MREG: variants seen among roughly 807,000 people sequenced by gnomAD.
The protein encoded by MREG is dilute suppressor protein homolog.
In MREG, 31 loss-of-function variants were observed where a neutral mutation model predicts 28.5. That is an observed-to-expected ratio of 1.09 (90% CI 0.82 to 1.47). MREG has a LOEUF of 1.47. MREG is among the 40% of genes most tolerant of loss of function. The probability of loss-of-function intolerance (pLI) is 0.00; values close to 1 mark genes in which losing one functional copy is unlikely to be tolerated. For synonymous variants in MREG, 106 were observed against 95.2 expected (o/e 1.11, Z -0.66); for missense variants, 256 against 257.4 (o/e 0.99, Z 0.04).
intron 1 of MREG, among the ~76,000 whole-genome samples, chr2:216,029,555 C>A (rs2105933717): frequency 6.6e-6 from 1 of 152,342 alleles, no homozygotes; most frequent in East Asian, 1.9e-4. Flanking sequence ...TATGCACCTC[C>A]CCCTGCCTCC....
At chr2:215,974,188 C>T (rs980088657) in intron 2 of MREG, among the ~76,000 whole-genome samples, 1 of 152,148 alleles carries the variant, frequency 6.6e-6, no homozygotes, top group Non-Finnish European at 1.5e-5. Context: ...ACACATCTCA[C>T]TCCTGGGCTG....
chr2:216,028,083 T>C (rs1694622679), intron 1 of MREG, among the ~76,000 whole-genome samples: 1 of 152,166 alleles, frequency 6.6e-6, no homozygotes, highest in Non-Finnish European at 1.5e-5. Context: ...ATACAAGAGT[T>C]TGGACTTCTA....
At chr2:215,956,207 G>T (rs1376126962) in intron 2 of MREG, among the ~76,000 whole-genome samples, 1 of 152,290 alleles carries the variant, frequency 6.6e-6, no homozygotes, top group South Asian at 2.1e-4. Context: ...TGAAAGAAAG[G>T]CTGAGGCCTT....
chr2:215,983,241 G>T (rs1165447900), intron 2 of MREG, among the ~76,000 whole-genome samples: 2 of 152,166 alleles, frequency 1.3e-5, no homozygotes, highest in African/African-American at 4.8e-5. Context: ...AAAATCAGAT[G>T]GCCCCGAAAG....
intron 1 of MREG, among the ~76,000 whole-genome samples, chr2:215,997,183 C>T (rs914393067): frequency 2.6e-5 from 4 of 152,144 alleles, no homozygotes; most frequent in South Asian, 4.1e-4. Flanking sequence ...ACTTGGAGTA[C>T]AATGATATAT....
chr2:215,949,090 A>ACTACTACTAC (rs1559173595), intron 2 of MREG, among the ~76,000 whole-genome samples: 7 of 130,550 alleles, frequency 5.4e-5, no homozygotes, highest in African/African-American at 8.8e-5. Context: ...ACTACTACTA[A>ACTACTACTAC]TAATAATAAT....
At chr2:215,960,724 C>T (rs1692760010) in intron 2 of MREG, among the ~76,000 whole-genome samples, 1 of 151,972 alleles carries the variant, frequency 6.6e-6, no homozygotes, top group African/African-American at 2.4e-5. Flanking sequence ...GTCCCACCTA[C>T]TTGGGAGGCT....
intron 2 of MREG, among the ~76,000 whole-genome samples, chr2:215,975,731 G>A (rs1457261080): frequency 2.6e-5 from 4 of 152,230 alleles, no homozygotes; most frequent in Non-Finnish European, 1.5e-5. Flanking sequence ...CTTCAGTTGG[G>A]AAAGTGTAAC....
intron 1 of MREG, among the ~76,000 whole-genome samples, chr2:216,012,945 C>A (rs1375451896): frequency 6.6e-6 from 1 of 152,208 alleles, no homozygotes; most frequent in Admixed American, 6.5e-5. Flanking sequence ...TGATCAACTT[C>A]TCTCCCTTAC....
At chr2:215,980,922 G>C (rs1231936361) in intron 2 of MREG, among the ~76,000 whole-genome samples, 1 of 151,808 alleles carries the variant, frequency 6.6e-6, no homozygotes, top group Non-Finnish European at 1.5e-5. Flanking sequence ...GGGAAGGGAA[G>C]GGAAGGGAAG....
At chr2:215,939,922 A>G (rs1692177627), downstream of MREG, among the ~76,000 whole-genome samples, 1 of 152,150 alleles carries the variant, frequency 6.6e-6, no homozygotes, top group African/African-American at 2.4e-5. Flanking sequence ...GTTTTTTTAA[A>G]AAGTAATGAT....
chr2:215,969,607 C>T (rs1169551559), intron 2 of MREG, among the ~76,000 whole-genome samples: 2 of 152,178 alleles, frequency 1.3e-5, no homozygotes, highest in African/African-American at 2.4e-5. Flanking sequence ...CTTAGGGAAC[C>T]TGAATCTTTT....
In MREG at chr2:215,943,664, A is replaced by T; in HGVS notation, c.*1199T>A. 2.8e-6 allele frequency: 1 copy of T among 353,420 alleles called. No individual in the cohort carries two copies. The highest frequency in any genetic ancestry group is 2.1e-5 in the South Asian group (1 of 46,616). 21.9% of individuals were successfully genotyped at this position (353,420 alleles called of 1,614,324 possible). On this transcript the variant is annotated 3_prime_UTR_variant, in exon 5 of 5. Coordinates refer to ENST00000263268, the MANE Select transcript of MREG (RefSeq NM_018000.3). ...AGACCATCGTGGCTAACATGGTGAA[A>T]CCCCGTCTCTACTAAAAATACAAAA...
At chr2:216,010,502 C>T (rs987468303) in intron 1 of MREG, among the ~76,000 whole-genome samples, 1 of 151,118 alleles carries the variant, frequency 6.6e-6, no homozygotes, top group Non-Finnish European at 1.5e-5. Context: ...GGACTACAGG[C>T]GCCCGCCACT....
intron 1 of MREG, among the ~76,000 whole-genome samples, chr2:216,007,008 G>A (rs1035944131): frequency 3.3e-5 from 5 of 152,134 alleles, no homozygotes; most frequent in African/African-American, 1.2e-4. Context: ...ATACCTCTCT[G>A]CACACCAGAA....
At chr2:215,977,172 G>A (rs904083081) in intron 2 of MREG, among the ~76,000 whole-genome samples, 1 of 152,178 alleles carries the variant, frequency 6.6e-6, no homozygotes, top group African/African-American at 2.4e-5. Context: ...TCAAAATAAA[G>A]GGATGGAGGA....
At chr2:215,961,761 C>T (rs553600115) in intron 2 of MREG, among the ~76,000 whole-genome samples, 1 of 152,100 alleles carries the variant, frequency 6.6e-6, no homozygotes, top group Non-Finnish European at 1.5e-5. Flanking sequence ...ATCTACTTGC[C>T]CTTTCACTGA....
intron 2 of MREG, among the ~76,000 whole-genome samples, chr2:215,973,101 T>C (rs1693149155): frequency 6.6e-6 from 1 of 152,254 alleles, no homozygotes; most frequent in East Asian, 1.9e-4. Flanking sequence ...GCAAGAACCC[T>C]GGAGGCTGGA....
chr2:216,030,938 TCTCTCTCTCTCTCTCTCTCACACACA>T (rs1401100210), intron 1 of MREG, among the ~76,000 whole-genome samples: 48 of 51,034 alleles, frequency 9.4e-4, no homozygotes, highest in Middle Eastern at 0.02. Context: ...TCTCTCTCTC[TCTCTCTCTCTCTCTCTCTCACACACA>T]CACACACACA....
Sources: gnomAD v4.1 joint callset for allele counts (sites outside exome capture counted in the v4.1 genomes callset) on GRCh38, gnomAD v4.1.1 for gene constraint, MANE v1.5 for transcripts, NCBI Gene and HGNC (gene_info 2026-07-23, HGNC 2026-07-21) for gene names.